Variants in ZBTB7C observed in about 807,000 individuals in gnomAD.
The protein encoded by ZBTB7C is zinc finger and BTB domain containing 7C, also known as zinc finger and BTB domain-containing protein 7C.
ZBTB7C carries 8 observed loss-of-function variants against 25.7 expected under a neutral mutation model. The ratio of observed to expected loss-of-function variants is 0.31; its 90% CI spans 0.18 to 0.56. The LOEUF (loss-of-function observed/expected upper bound fraction) is 0.56, where lower values mean the gene tolerates loss of function less well. Among genes scored for constraint, ZBTB7C ranks in the 20% least tolerant of loss-of-function variants. ZBTB7C has a pLI of 0.91. For missense variants in ZBTB7C, 824 were observed against 855.2 expected (o/e 0.96, Z 0.46); for synonymous variants, 394 against 369.0 (o/e 1.07, Z -0.78).
At chr18:48,175,587 G>A (rs1486350765) in intron 3 of ZBTB7C, among the ~76,000 whole-genome samples, 1 of 152,084 alleles carries the variant, frequency 6.6e-6, no homozygotes, top group East Asian at 1.9e-4. Flanking sequence ...CCCCTGAAAG[G>A]GCCAAGGTGC....
chr18:48,160,580 A>C (rs569241762), intron 3 of ZBTB7C, among the ~76,000 whole-genome samples: 1 of 152,328 alleles, frequency 6.6e-6, no homozygotes, highest in East Asian at 1.9e-4. Context: ...GTTAAATAAT[A>C]AAGATCCTGG....
chr18:48,268,185 G>C (rs187190333), intron 2 of ZBTB7C, among the ~76,000 whole-genome samples: 1 of 152,130 alleles, frequency 6.6e-6, no homozygotes, highest in Non-Finnish European at 1.5e-5. Context: ...AAAGTCCAAC[G>C]GCACGCTTTT....
At chr18:48,145,907 T>C (rs920261877) in intron 3 of ZBTB7C, among the ~76,000 whole-genome samples, 20 of 152,246 alleles carry the variant, frequency 1.3e-4, no homozygotes, top group African/African-American at 4.6e-4. Flanking sequence ...CAAATGTTTT[T>C]CAAGTTCATG....
chr18:48,083,701 G>T, intron 3 of ZBTB7C: 4 of 380,578 alleles, frequency 1.1e-5, no homozygotes, highest in Non-Finnish European at 1.4e-5. Flanking sequence ...GCTCCATACA[G>T]CAGCAAAATC....
intron 3 of ZBTB7C, among the ~76,000 whole-genome samples, chr18:48,169,578 G>A (rs945510420): frequency 3.9e-5 from 6 of 152,150 alleles, no homozygotes; most frequent in African/African-American, 1.4e-4. Flanking sequence ...GTCCTGCCAT[G>A]GGCCATATGA....
intron 1 of ZBTB7C, among the ~76,000 whole-genome samples, chr18:48,373,818 A>G (rs1423861477): frequency 2.0e-5 from 3 of 152,228 alleles, no homozygotes; most frequent in Admixed American, 6.5e-5. Context: ...AAAATTAGCC[A>G]GGCATGGTGG....
chr18:48,054,940 C>T (rs73447925), intron 3 of ZBTB7C, among the ~76,000 whole-genome samples: 8,140 of 152,108 alleles, frequency 0.054, 744 homozygotes, highest in African/African-American at 0.19. Context: ...TTGGTTGACT[C>T]GTGGAATATC....
intron 1 of ZBTB7C, among the ~76,000 whole-genome samples, chr18:48,378,508 A>G (rs565756672): frequency 1.3e-5 from 2 of 152,320 alleles, no homozygotes; most frequent in South Asian, 4.1e-4. Flanking sequence ...TTCCACAAGA[A>G]AAAGGCCCAA....
chr18:48,105,307 T>C (rs770914558), intron 3 of ZBTB7C, among the ~76,000 whole-genome samples: 16 of 152,202 alleles, frequency 1.1e-4, no homozygotes, highest in Non-Finnish European at 2.1e-4. Flanking sequence ...TCTTCATGCC[T>C]GATATACTTT....
At chr18:48,368,284 C>T (rs1042918429) in intron 1 of ZBTB7C, among the ~76,000 whole-genome samples, 2 of 146,198 alleles carry the variant, frequency 1.4e-5, no homozygotes, top group African/African-American at 5.0e-5. Flanking sequence ...CAAATGGAAA[C>T]TTCAGAACCA....
At chr18:48,222,774 G>A (rs2042993890) in intron 2 of ZBTB7C, among the ~76,000 whole-genome samples, 1 of 152,092 alleles carries the variant, frequency 6.6e-6, no homozygotes, top group African/African-American at 2.4e-5. Context: ...CCTCCACAAG[G>A]GCATGAGAAA....
chr18:48,137,760 GAACA>G (rs1441508403), intron 3 of ZBTB7C, among the ~76,000 whole-genome samples: 1 of 152,188 alleles, frequency 6.6e-6, no homozygotes, highest in Non-Finnish European at 1.5e-5. Flanking sequence ...CCTTCCCCTC[GAACA>G]AACAGACATA....
At chr18:48,143,344 T>G (rs1286776000) in intron 3 of ZBTB7C, among the ~76,000 whole-genome samples, 3 of 152,180 alleles carry the variant, frequency 2.0e-5, no homozygotes, top group Non-Finnish European at 4.4e-5. Context: ...GGGGAAAGAT[T>G]TAATTCTGTG....
intron 2 of ZBTB7C, among the ~76,000 whole-genome samples, chr18:48,230,168 C>T (rs72924070): frequency 7.1e-4 from 108 of 152,310 alleles, no homozygotes; most frequent in Middle Eastern, 6.8e-3. Flanking sequence ...ATCAACATTC[C>T]TTCTTACAGG....
intron 3 of ZBTB7C, among the ~76,000 whole-genome samples, chr18:48,065,584 T>C (rs373993464): frequency 6.6e-6 from 1 of 152,162 alleles, no homozygotes; most frequent in South Asian, 2.1e-4. Context: ...CACAAAGGAA[T>C]TGGAGGGCTC....
At chr18:48,137,059 C>T in intron 3 of ZBTB7C, 1 of 985,386 alleles carries the variant, frequency 1.0e-6, no homozygotes, top group Non-Finnish European at 1.2e-6. Context: ...CTGAGCGCCG[C>T]CAGGGTCCCG....
chr18:48,285,637 C>T (rs1211392942), intron 2 of ZBTB7C, among the ~76,000 whole-genome samples: 1 of 152,176 alleles, frequency 6.6e-6, no homozygotes, highest in Non-Finnish European at 1.5e-5. Flanking sequence ...CAGGCATGAG[C>T]CATTATGCCA....
chr18:48,289,773 T>C (rs1464291752), intron 2 of ZBTB7C, among the ~76,000 whole-genome samples: 1 of 152,060 alleles, frequency 6.6e-6, no homozygotes, highest in African/African-American at 2.4e-5. Flanking sequence ...CCCAGGTACA[T>C]GTCTGAGCAT....
chr18:48,395,728 C>T (rs1361421237), intron 1 of ZBTB7C, among the ~76,000 whole-genome samples: 1 of 152,032 alleles, frequency 6.6e-6, no homozygotes, highest in East Asian at 1.9e-4. Context: ...AAACTACTTC[C>T]CACCTGGAGC....
Sources: gnomAD v4.1 joint callset for allele counts (sites outside exome capture counted in the v4.1 genomes callset) on GRCh38, gnomAD v4.1.1 for gene constraint, MANE v1.5 for transcripts, NCBI Gene and HGNC (gene_info 2026-07-23, HGNC 2026-07-21) for gene names.